The following DLGAP2 variants were observed in gnomAD, a reference collection of about 807,000 sequenced individuals.
The protein encoded by DLGAP2 is DLG associated protein 2.
Under a neutral mutation model 100.3 loss-of-function variants are expected in DLGAP2, and 26 were observed. The observed-to-expected ratio is 0.26, with a 90% CI of 0.19 to 0.36. The LOEUF (loss-of-function observed/expected upper bound fraction) is 0.36, where lower values mean the gene tolerates loss of function less well. Among genes scored for constraint, DLGAP2 ranks in the 10% least tolerant of loss-of-function variants. The pLI is 1.00. For synonymous variants in DLGAP2, 886 were observed against 630.1 expected (o/e 1.41, Z -6.08); for missense variants, 1,858 against 1,453.2 (o/e 1.28, Z -4.53).
intron 3 of DLGAP2, among the ~76,000 whole-genome samples, chr8:1,303,520 T>G (rs924598080): frequency 6.6e-6 from 1 of 152,088 alleles, no homozygotes; most frequent in Non-Finnish European, 1.5e-5. Flanking sequence ...CAGACCCTGC[T>G]GGGCTGTGCG....
chr8:1,334,075 G>A (rs559062813), intron 3 of DLGAP2, among the ~76,000 whole-genome samples: 55 of 152,366 alleles, frequency 3.6e-4, no homozygotes, highest in African/African-American at 1.3e-3. Context: ...CTGTGCCCCT[G>A]AGAGCCCCAA....
chr8:1,583,270 T>C (rs1423309870), intron 6 of DLGAP2, among the ~76,000 whole-genome samples: 36 of 152,120 alleles, frequency 2.4e-4, no homozygotes, highest in Admixed American at 2.4e-3. Flanking sequence ...GGTGAGGTGA[T>C]CAAGTGAGTA....
intron 2 of DLGAP2, among the ~76,000 whole-genome samples, chr8:1,134,866 G>C (rs1386639161): frequency 6.6e-6 from 1 of 152,082 alleles, no homozygotes; most frequent in Non-Finnish European, 1.5e-5. Flanking sequence ...AACAGTGTGG[G>C]GGAGACCTCC....
intron 6 of DLGAP2, among the ~76,000 whole-genome samples, chr8:1,616,223 A>AT (rs1391815433): frequency 1.3e-5 from 2 of 152,188 alleles, no homozygotes; most frequent in Non-Finnish European, 2.9e-5. Context: ...GAGGTAAGAT[A>AT]TTAAAAAAAA....
At chr8:1,135,458 A>G (rs1034580838) in intron 2 of DLGAP2, among the ~76,000 whole-genome samples, 1 of 140,758 alleles carries the variant, frequency 7.1e-6, no homozygotes, top group African/African-American at 2.6e-5. Flanking sequence ...AGAGATAGTT[A>G]CTTAGAGATT....
intron 3 of DLGAP2, among the ~76,000 whole-genome samples, chr8:1,314,177 C>T (rs145056208): frequency 3.3e-5 from 5 of 152,216 alleles, no homozygotes; most frequent in African/African-American, 4.8e-5. Flanking sequence ...GAGAAACACA[C>T]GTTTATTTGC....
intron 1 of DLGAP2, among the ~76,000 whole-genome samples, chr8:883,614 G>A (rs1249829540): frequency 1.3e-5 from 2 of 151,786 alleles, no homozygotes; most frequent in African/African-American, 2.4e-5. Context: ...CGCGTGTGCC[G>A]CGGCGGTTCG....
chr8:1,420,825 A>G (rs761693165), intron 3 of DLGAP2, among the ~76,000 whole-genome samples: 2 of 152,018 alleles, frequency 1.3e-5, no homozygotes, highest in Non-Finnish European at 2.9e-5. Context: ...ATTTAGACCT[A>G]TTGGTGCCAT....
intron 6 of DLGAP2, among the ~76,000 whole-genome samples, chr8:1,579,150 A>T (rs568116034): frequency 6.6e-6 from 1 of 152,204 alleles, no homozygotes; most frequent in South Asian, 2.1e-4. Context: ...GTTCAATTAG[A>T]AAGTCAAAGC....
intron 2 of DLGAP2, among the ~76,000 whole-genome samples, chr8:1,030,840 C>T (rs1197397372): frequency 6.6e-6 from 1 of 152,172 alleles, no homozygotes; most frequent in African/African-American, 2.4e-5. Context: ...CGGGCGGGAC[C>T]TTCCCTCTCC....
At chr8:973,700 G>A (rs1268864854) in intron 2 of DLGAP2, among the ~76,000 whole-genome samples, 2 of 152,206 alleles carry the variant, frequency 1.3e-5, no homozygotes, top group Admixed American at 1.3e-4. Flanking sequence ...TCTCTTTCAC[G>A]GTACCTCAGT....
intron 1 of DLGAP2, among the ~76,000 whole-genome samples, chr8:846,839 A>G (rs1246427556): frequency 1.3e-5 from 2 of 151,948 alleles, no homozygotes; most frequent in African/African-American, 4.8e-5. Context: ...TCTGGTTTGC[A>G]TTTTCCCAGT....
rs6559212 is a variant in DLGAP2 at position 1,080,407 on chromosome 8, C to A, written c.73+172441C>A. On this transcript the variant is annotated intron_variant, in intron 2 of 14. Coordinates refer to ENST00000637795, the MANE Select transcript of DLGAP2 (RefSeq NM_001346810.2). ...AGGTGTGCGTTACGAAGGGATGCTC[C>A]TCACACTTAGAAAATCGCCATCAGC... 8.8e-3 allele frequency among the ~76,000 whole-genome samples: 1,340 copies of A among 152,160 alleles called. 13 individuals are homozygous for A. The highest frequency in any genetic ancestry group is 0.017 in the Middle Eastern group (5 of 294).
chr8:943,308 A>G (rs1031855334), intron 2 of DLGAP2, among the ~76,000 whole-genome samples: 10 of 151,940 alleles, frequency 6.6e-5, no homozygotes, highest in Non-Finnish European at 1.3e-4. Flanking sequence ...TGGGAAAAAA[A>G]AATCATACGG....
chr8:1,169,466 C>T (rs1218240408), intron 2 of DLGAP2, among the ~76,000 whole-genome samples: 7 of 152,048 alleles, frequency 4.6e-5, no homozygotes. Context: ...TATCAATTAC[C>T]CTGGGCAATA....
chr8:1,487,225 A>AT (rs923792812), intron 3 of DLGAP2, among the ~76,000 whole-genome samples: 1 of 152,244 alleles, frequency 6.6e-6, no homozygotes, highest in African/African-American at 2.4e-5. Flanking sequence ...TTCATCTGTC[A>AT]TTTTTTAACA....
intron 2 of DLGAP2, among the ~76,000 whole-genome samples, chr8:1,211,864 G>C (rs528974507): frequency 1.3e-5 from 2 of 152,214 alleles, no homozygotes; most frequent in Non-Finnish European, 2.9e-5. Context: ...GACAGAGCGA[G>C]ACTTCGTCTC....
chr8:762,979 C>T (rs917382499), intron 1 of DLGAP2, among the ~76,000 whole-genome samples: 12 of 151,778 alleles, frequency 7.9e-5, no homozygotes, highest in African/African-American at 1.9e-4. Context: ...GCCCAGCTGA[C>T]GGTTTTATTT....
At chr8:1,203,618 C>T (rs895514254) in intron 2 of DLGAP2, among the ~76,000 whole-genome samples, 12 of 152,140 alleles carry the variant, frequency 7.9e-5, no homozygotes, top group Non-Finnish European at 1.5e-5. Context: ...AATGTACTTC[C>T]TACAGATAAG....
Sources: allele counts gnomAD v4.1 joint callset (sites outside exome capture counted in the v4.1 genomes callset), GRCh38; gene constraint gnomAD v4.1.1; transcripts MANE v1.5; gene names NCBI Gene and HGNC (gene_info 2026-07-23, HGNC 2026-07-21).